The following NOD2 variants were observed in gnomAD, a reference collection of about 807,000 sequenced individuals.
NOD2 encodes nucleotide binding oligomerization domain containing 2.
NOD2 carries 86 observed loss-of-function variants against 90.9 expected under a neutral mutation model. The ratio of observed to expected loss-of-function variants is 0.95; its 90% CI spans 0.79 to 1.13. The LOEUF is 1.13. Ranked by LOEUF, NOD2 falls within the 50% of genes most tolerant of loss-of-function variation. The pLI, the probability that NOD2 is intolerant of heterozygous loss-of-function variation, is 0.00. For missense variants in NOD2, 1,238 were observed against 1,283.8 expected, an observed-to-expected ratio of 0.96 and a Z score of 0.55; for synonymous variants, 581 against 554.6, an observed-to-expected ratio of 1.05 and a Z score of -0.67.
chr16:50,720,062 G>A, intron 7 of NOD2, 54 bp downstream of exon 7: 2 of 1,509,326 alleles, frequency 1.3e-6, no homozygotes, highest in Non-Finnish European at 1.8e-6. Flanking sequence ...GGACTTTTGA[G>A]GATTTAGGGG....
chr16:50,695,163 G>GC (rs1963588667), intron 1 of NOD2, among the ~76,000 whole-genome samples: 1 of 151,902 alleles, frequency 6.6e-6, no homozygotes, highest in Non-Finnish European at 1.5e-5. Flanking sequence ...GATCATGGGG[G>GC]GGGTGGGGTA....
chr16:50,704,135 C>G (rs967795109), intron 2 of NOD2, among the ~76,000 whole-genome samples: 6 of 152,204 alleles, frequency 3.9e-5, no homozygotes, highest in Non-Finnish European at 8.8e-5. Context: ...TCAGGCTTGC[C>G]TGGACATCTA....
At chr16:50,703,683 CAAA>C (rs1043742883) in intron 2 of NOD2, among the ~76,000 whole-genome samples, 4 of 56,428 alleles carry the variant, frequency 7.1e-5, no homozygotes, top group Non-Finnish European at 1.2e-4. Context: ...GACTCTGTCT[CAAA>C]AAAAAAAAAA....
In NOD2 at chr16:50,710,883, A is replaced by T. The variant is rs1413990195; in HGVS notation, c.891A>T (p.Glu297Asp). 1 of 1,613,956 alleles carries T rather than the reference A, an allele frequency of 6.2e-7. No homozygotes were observed. Residue 297 changes from glutamate to aspartate, a missense_variant, in exon 4 of 12, where the codon GAA (glutamate) becomes GAT (aspartate). Coordinates refer to ENST00000647318, the MANE Select transcript of NOD2 (RefSeq NM_001370466.1). ...LLWAAGQDFQ[E>D]FLFVFPFSCR... is the part of the protein sequence containing the mutation. ...GGGCTGCAGGGCAAGACTTCCAGGAATTTCTCTTTGTCTTCCCATTCAGCT... is the reference window on the plus strand; with the variant it reads ...GGGCTGCAGGGCAAGACTTCCAGGATTTTCTCTTTGTCTTCCCATTCAGCT...
In NOD2 at chr16:50,699,651, G is replaced by A; in HGVS notation, c.156G>A (p.Gln52=). Residue 52 remains glutamine (Q), a synonymous_variant, in exon 2 of 12, where the codon CAG becomes CAA. Transcript: ENST00000647318. ...EDYEGFHLLG[Q]PLSHLARRLL... ...ACGAGGGCTTCCACCTCCTGGGCCA[G>A]CCTCTCTCCCACTTGGCCAGGCGCC... 5 of 1,614,170 alleles carry A rather than the reference G, an allele frequency of 3.1e-6. No individual in the cohort carries two copies. Among genetic ancestry groups the A allele is most frequent in the Non-Finnish European group, 4.2e-6 (5 of 1,180,030 alleles).
intron 3 of NOD2, among the ~76,000 whole-genome samples, chr16:50,708,860 C>A (rs565882363): frequency 1.3e-5 from 2 of 152,338 alleles, no homozygotes; most frequent in African/African-American, 4.8e-5. Flanking sequence ...CATTGAAGAA[C>A]AGGATCTAAA....
rs1376485544 is a variant in NOD2 at position 50,699,490 on chromosome 16, T to C, written c.-6T>C. 8 of 1,612,894 alleles carry C rather than the reference T, an allele frequency of 5.0e-6. No homozygotes were observed. Among genetic ancestry groups the C allele is most frequent in the Non-Finnish European group, 6.8e-6 (8 of 1,179,870 alleles). On this transcript the variant is annotated splice_region_variant and 5_prime_UTR_variant, in exon 2 of 12. Transcript: ENST00000647318. The stretch of plus-strand genomic sequence containing the variant: ...ACTGACCTTGTTCTCCTCCCCAGGT[T>C]GTGAAATGTGCTCGCAGGAGGCTTT...
At chr16:50,722,773 G>A in intron 8 of NOD2, 68 bp downstream of exon 8, 3 of 1,394,220 alleles carry the variant, frequency 2.2e-6, no homozygotes, top group Non-Finnish European at 3.1e-6. Context: ...GCTGGGGCCA[G>A]TTCTGAAGGT....
At position 50,716,885 on chromosome 16, in the gene NOD2, G is replaced by A; in HGVS notation, c.2466-6G>A. On this transcript the variant is annotated splice_region_variant and splice_polypyrimidine_tract_variant and intron_variant, in intron 5 of 11. Transcript: ENST00000647318. The stretch of plus-strand genomic sequence containing the variant: ...TCTGTGTCTCCTCTCTTCTGGAACT[G>A]AACAGTCTATTCAACAACAAATTGA... 7 of 1,613,752 alleles carry A rather than the reference G, an allele frequency of 4.3e-6. No homozygotes were observed. Among genetic ancestry groups the A allele is most frequent in the Non-Finnish European group, 5.9e-6 (7 of 1,179,598 alleles).
intron 1 of NOD2, among the ~76,000 whole-genome samples, chr16:50,698,537 A>G (rs151241829): frequency 9.8e-5 from 15 of 152,346 alleles, no homozygotes; most frequent in Non-Finnish European, 1.3e-4. Flanking sequence ...TGCAAAACAC[A>G]CAGCACGGGC....
chr16:50,711,306 GGCGGACCGC>G lies in NOD2; in HGVS notation c.1315_1323del (p.Ala439_Arg441del), dbSNP rs1964481291. 1 of 1,613,578 alleles carries G rather than the reference GGCGGACCGC, an allele frequency of 6.2e-7. No homozygotes were observed. The highest frequency in any genetic ancestry group is 1.3e-5 in the African/African-American group (1 of 74,948). On this transcript the variant is annotated inframe_deletion, in exon 4 of 12. Transcript: ENST00000647318. Reference sequence around the variant, plus strand: ...GGAAGCGCCATCATGAGCCCGGGGTGGCGGACCGCCTCATCCGCCTGCTCCAAGAGACCT... The same window carrying G: ...GGAAGCGCCATCATGAGCCCGGGGTGCTCATCCGCCTGCTCCAAGAGACCT...
chr16:50,723,412 G>C (rs745996775), intron 9 of NOD2, 28 bp downstream of exon 9: 1 of 1,599,822 alleles, frequency 6.3e-7, no homozygotes, highest in South Asian at 1.1e-5. Context: ...TCTGCTCTGG[G>C]GAAGTGGATC....
In NOD2 at chr16:50,711,164, A is replaced by G; in HGVS notation, c.1172A>G (p.Asn391Ser). 4 of 1,614,104 alleles carry G rather than the reference A, an allele frequency of 2.5e-6. No individual in the cohort carries two copies. Among genetic ancestry groups the G allele is most frequent in the Non-Finnish European group, 2.5e-6 (3 of 1,180,014 alleles). The change falls in exon 4 of 12, where the codon AAT (asparagine) becomes AGT (serine). Residue 391 changes from asparagine to serine, a missense_variant. By Grantham distance (46) the Asn-to-Ser change is conservative. Transcript: ENST00000647318. ...CTTCTGCAGGGCAACCTGCTGAAGAATGCCCGCAAGGTGGTGACCAGCCGT... is the reference window on the plus strand; with the variant it reads ...CTTCTGCAGGGCAACCTGCTGAAGAGTGCCCGCAAGGTGGTGACCAGCCGT... Reference protein sequence around the residue: ...FNLLQGNLLKNARKVVTSRPA... With the variant: ...FNLLQGNLLKSARKVVTSRPA...
intron 9 of NOD2, among the ~76,000 whole-genome samples, chr16:50,725,138 G>A (rs1387413607): frequency 2.0e-5 from 3 of 152,184 alleles, no homozygotes; most frequent in Non-Finnish European, 4.4e-5. Flanking sequence ...CAACCCACTT[G>A]TATGTTGTTT....
At chr16:50,719,237 A>G (rs1230506200) in intron 6 of NOD2, among the ~76,000 whole-genome samples, 1 of 152,168 alleles carries the variant, frequency 6.6e-6, no homozygotes, top group African/African-American at 2.4e-5. Flanking sequence ...GGATACAATA[A>G]TATCTGCCTT....
At chr16:50,723,011 A>T (rs1965128256) in intron 8 of NOD2, among the ~76,000 whole-genome samples, 2 of 151,882 alleles carry the variant, frequency 1.3e-5, no homozygotes, top group Non-Finnish European at 2.9e-5. Context: ...AGTGCACCAC[A>T]TTAAAAAGAA....
At position 50,712,094 on chromosome 16, in the gene NOD2, G is replaced by C. The variant is rs1330101550; in HGVS notation, c.2102G>C (p.Gly701Ala). ...CACTCCATCCCGCCAGCTGCACCGG[G>C]TGAGGCCAAGAGCGTGCATGCCATG... ...HFHSIPPAAP[G>A]EAKSVHAMPG... The change falls in exon 4 of 12, where the codon GGT (glycine) becomes GCT (alanine). Residue 701 changes from glycine (G) to alanine (A), a missense_variant. Physicochemically the swap from Gly to Ala is moderately conservative, Grantham distance 60. This residue lies in a region of NOD2 where 667 missense variants were observed against 688.7 expected (regional missense o/e 0.97). Coordinates refer to ENST00000647318, the MANE Select transcript of NOD2 (RefSeq NM_001370466.1). 1 of 1,613,894 alleles carries C rather than the reference G, an allele frequency of 6.2e-7. No homozygotes were observed. The highest frequency in any genetic ancestry group is 8.5e-7 in the Non-Finnish European group (1 of 1,180,022).
intron 6 of NOD2, 43 bp from the exon 7 acceptor site, chr16:50,719,882 C>T: frequency 6.4e-7 from 1 of 1,571,154 alleles, no homozygotes; most frequent in Non-Finnish European, 8.8e-7. Context: ...TCCTTTTCTG[C>T]CTGCCGCTGT....
chr16:50,719,958 C>G lies in NOD2; in HGVS notation c.2583C>G (p.Ala861=). The G allele has an allele frequency of 6.2e-7, 1 of 1,614,182 alleles. No individual in the cohort carries two copies. Reference sequence around the variant, plus strand: ...ATAACTACATCACTGCCGCGGGAGCCCAAGTGCTGGCCGAGGGGCTCCGAG... The same window carrying G: ...ATAACTACATCACTGCCGCGGGAGCGCAAGTGCTGGCCGAGGGGCTCCGAG... ...LGNNYITAAG[A]QVLAEGLRGN... Residue 861 remains alanine (A), a synonymous_variant, in exon 7 of 12, where the codon GCC becomes GCG. Transcript: ENST00000647318.
Sources: gnomAD v4.1 joint callset for allele counts (sites outside exome capture counted in the v4.1 genomes callset) on GRCh38, gnomAD v4.1.1 for gene constraint, gnomAD v4.1.1 regional missense constraint, MANE v1.5 for transcripts, NCBI Gene and HGNC (gene_info 2026-07-23, HGNC 2026-07-21) for gene names.